ABCC1: variants seen among roughly 807,000 people sequenced by gnomAD.
ABCC1 encodes multidrug resistance-associated protein 1.
A neutral mutation model predicts 172.9 loss-of-function variants in ABCC1; 83 were observed. The observed-to-expected ratio is 0.48, with a 90% confidence interval of 0.40 to 0.58. ABCC1 has a LOEUF of 0.58. Ranked by LOEUF, ABCC1 falls within the 20% of genes least tolerant of loss-of-function variation. ABCC1 has a pLI of 0.00. For missense variants in ABCC1, 1,817 were observed against 2,002.7 expected (o/e 0.91, Z 1.77); for synonymous variants, 937 against 825.2 (o/e 1.14, Z -2.32).
chr16:15,954,715 C>T (rs535173532), intron 1 of ABCC1, among the ~76,000 whole-genome samples: 5 of 152,062 alleles, frequency 3.3e-5, no homozygotes, highest in Non-Finnish European at 7.3e-5. Context: ...CCTGAAGGGT[C>T]GTGTTCTCTT....
chr16:15,959,015 G>T (rs761137152), intron 1 of ABCC1, among the ~76,000 whole-genome samples: 2 of 152,168 alleles, frequency 1.3e-5, no homozygotes, highest in Non-Finnish European at 2.9e-5. Context: ...GTTCCCTGGG[G>T]TGTGAAATCA....
Position 16,141,251 on chromosome 16 carries a change from C to T in ABCC1, c.4566C>T (p.Tyr1522=), listed in dbSNP as rs1567451083. 2.5e-6 allele frequency: 4 copies of T among 1,613,948 alleles called. No individual in the cohort carries two copies. Among genetic ancestry groups the T allele is most frequent in the Non-Finnish European group, 3.4e-6 (4 of 1,180,042 alleles). Reference sequence around the variant, plus strand: ...TCCTGCAGCAGAGAGGTCTTTTCTACAGCATGGCCAAAGACGCCGGCTTGG... The same window carrying T: ...TCCTGCAGCAGAGAGGTCTTTTCTATAGCATGGCCAAAGACGCCGGCTTGG... ...SDLLQQRGLF[Y]SMAKDAGLV is the part of the protein sequence containing the mutation. Residue 1522 remains tyrosine (Y), a synonymous_variant, in exon 31 of 31, where the codon TAC becomes TAT. Coordinates refer to ENST00000399410, the MANE Select transcript of ABCC1 (RefSeq NM_004996.4).
chr16:16,108,798 C>T (rs1313350248), intron 21 of ABCC1, among the ~76,000 whole-genome samples: 1 of 151,800 alleles, frequency 6.6e-6, no homozygotes, highest in Admixed American at 6.6e-5. Flanking sequence ...AGGTTTCGCC[C>T]TGTCGCCCAG....
rs561293023 is a variant in ABCC1 at position 16,029,438 on chromosome 16, G to T, written c.616-3671G>T. Reference sequence around the variant, plus strand: ...GGGTCTTGCCATGTTGCCCAGACTGGTCTCGAACTCCTGAACTCAAAGCAG... The same window carrying T: ...GGGTCTTGCCATGTTGCCCAGACTGTTCTCGAACTCCTGAACTCAAAGCAG... On this transcript the variant is annotated intron_variant, in intron 5 of 30. Coordinates refer to ENST00000399410, the MANE Select transcript of ABCC1 (RefSeq NM_004996.4). Among the ~76,000 whole-genome samples the T allele has an allele frequency of 5.6e-3, 847 of 152,130 alleles. 10 individuals carry two copies. The highest frequency in any genetic ancestry group is 0.02 in the African/African-American group (813 of 41,490).
chr16:16,088,107 T>C (rs191889064), intron 18 of ABCC1, among the ~76,000 whole-genome samples: 4 of 145,568 alleles, frequency 2.7e-5, no homozygotes, highest in African/African-American at 1.0e-4. Flanking sequence ...TATCTTCTTA[T>C]AATATATGTG....
rs1019577442 is a variant in ABCC1 at position 16,122,008 on chromosome 16, C to T, written c.3424C>T (p.Arg1142Cys). The T allele has an allele frequency of 2.7e-5, 43 of 1,614,226 alleles. No individual in the cohort carries two copies. Among genetic ancestry groups the T allele is most frequent in the Non-Finnish European group, 3.3e-5 (39 of 1,180,044 alleles). The change falls in exon 24 of 31, where the codon CGC becomes TGC. Residue 1142 changes from arginine to cysteine, a missense_variant. Physicochemically the swap from Arg to Cys is radical, Grantham distance 180. This residue lies in a region of ABCC1 where 1,412 missense variants were observed against 1,600.3 expected (regional missense o/e 0.88). Coordinates refer to ENST00000399410, the MANE Select transcript of ABCC1 (RefSeq NM_004996.4). ...FYVASSRQLK[R>C]LESVSRSPVY... Reference sequence around the variant, plus strand: ...CGTGGCTTCCTCCCGGCAGCTGAAGCGCCTCGAGTCGGTCAGCCGCTCCCC... The same window carrying T: ...CGTGGCTTCCTCCCGGCAGCTGAAGTGCCTCGAGTCGGTCAGCCGCTCCCC...
intron 1 of ABCC1, among the ~76,000 whole-genome samples, chr16:15,962,993 C>T (rs975976419): frequency 6.6e-6 from 1 of 152,240 alleles, no homozygotes; most frequent in Non-Finnish European, 1.5e-5. Context: ...AATCTAGTCT[C>T]TTTCACCTAT....
chr16:15,968,905 T>TTC (rs1409191796), intron 1 of ABCC1, among the ~76,000 whole-genome samples: 8 of 142,330 alleles, frequency 5.6e-5, no homozygotes, highest in African/African-American at 2.5e-4. Context: ...TTTCTTTTTT[T>TTC]TTTTTGTATT....
chr16:16,010,683 G>T (rs2047743798), intron 3 of ABCC1, among the ~76,000 whole-genome samples: 1 of 152,218 alleles, frequency 6.6e-6, no homozygotes, highest in African/African-American at 2.4e-5. Flanking sequence ...GTACCTGGCA[G>T]TATTCTTGGT....
At chr16:16,015,982 C>T (rs1430751296) in intron 4 of ABCC1, among the ~76,000 whole-genome samples, 1 of 151,990 alleles carries the variant, frequency 6.6e-6, no homozygotes, top group Non-Finnish European at 1.5e-5. Flanking sequence ...TGTTTCACTC[C>T]CAAGCCCTGT....
intron 3 of ABCC1, among the ~76,000 whole-genome samples, chr16:16,011,325 TAAG>T (rs1434277009): frequency 6.6e-6 from 1 of 151,202 alleles, no homozygotes; most frequent in Admixed American, 6.6e-5. Flanking sequence ...GGTGGAAGGT[TAAG>T]GGGAGGATGC....
chr16:16,018,803 T>TTG (rs112153634), intron 5 of ABCC1, among the ~76,000 whole-genome samples: 2 of 151,140 alleles, frequency 1.3e-5, no homozygotes, highest in South Asian at 2.1e-4. Context: ...ATGTGTGTGT[T>TTG]TGTGTGTGTG....
chr16:16,069,262 G>A (rs977104728), intron 13 of ABCC1, among the ~76,000 whole-genome samples: 3 of 151,804 alleles, frequency 2.0e-5, no homozygotes, highest in Non-Finnish European at 2.9e-5. Context: ...TACTCCCAGC[G>A]ACTCAGAAGG....
chr16:16,069,349 G>C (rs1161160229), intron 13 of ABCC1, among the ~76,000 whole-genome samples: 3 of 151,856 alleles, frequency 2.0e-5, no homozygotes, highest in Non-Finnish European at 4.4e-5. Flanking sequence ...ACTCCAGCCT[G>C]GGTGAAGGGA....
chr16:16,090,328 C>A, intron 18 of ABCC1, 77 bp from the exon 19 acceptor site: 1 of 1,435,568 alleles, frequency 7.0e-7, no homozygotes, highest in Non-Finnish European at 9.2e-7. Flanking sequence ...CTCATTCCTC[C>A]TTTAGTCTTC....
At chr16:16,085,005 A>G (rs2050954067) in intron 17 of ABCC1, among the ~76,000 whole-genome samples, 1 of 152,266 alleles carries the variant, frequency 6.6e-6, no homozygotes, top group East Asian at 1.9e-4. Context: ...CATGGGTGGA[A>G]TTTGTTGTTA....
At chr16:15,997,523 T>A (rs1398020389) in intron 1 of ABCC1, among the ~76,000 whole-genome samples, 2 of 152,104 alleles carry the variant, frequency 1.3e-5, no homozygotes, top group Admixed American at 6.5e-5. Context: ...GAGAGTTGGG[T>A]CCTTCTGATT....
At position 16,082,643 on chromosome 16, in the gene ABCC1, T is replaced by A. The variant is rs45582040; in HGVS notation, c.2116-723T>A. 8.5e-5 allele frequency among the ~76,000 whole-genome samples: 13 copies of A among 152,212 alleles called. No individual in the cohort carries two copies. The East Asian group carries it at 2.5e-3, about 29-fold the overall frequency. The stretch of plus-strand genomic sequence containing the variant: ...TCCTTCCCGGATGTCCCAAACTAGG[T>A]CAGTCTTTTAATTTTTTTGAGACAG... On this transcript the variant is annotated intron_variant, in intron 16 of 30. Transcript: ENST00000399410.
At chr16:16,009,019 C>G (rs534599615) in intron 2 of ABCC1, among the ~76,000 whole-genome samples, 1 of 151,232 alleles carries the variant, frequency 6.6e-6, no homozygotes, top group African/African-American at 2.4e-5. Context: ...GGTATGATCA[C>G]AGCATACTGC....
Sources: allele counts gnomAD v4.1 joint callset (sites outside exome capture counted in the v4.1 genomes callset), GRCh38; gene constraint gnomAD v4.1.1; regional missense constraint gnomAD v4.1.1; transcripts MANE v1.5; gene names NCBI Gene and HGNC (gene_info 2026-07-23, HGNC 2026-07-21).